MID1: variants seen among roughly 807,000 people sequenced by gnomAD.
MID1 encodes the protein E3 ubiquitin-protein ligase Midline-1.
MID1 carries 7 observed loss-of-function variants against 40.4 expected under a neutral mutation model. The observed-to-expected ratio is 0.17, with a 90% CI of 0.10 to 0.33. The LOEUF (loss-of-function observed/expected upper bound fraction) is 0.33, where lower values mean the gene tolerates loss of function less well. Ranked by LOEUF, MID1 falls within the 10% of genes least tolerant of loss-of-function variation. The pLI, the probability that MID1 is intolerant of heterozygous loss-of-function variation, is 1.00. For missense variants in MID1, 367 were observed against 558.5 expected, an observed-to-expected ratio of 0.66 and a Z score of 3.46; for synonymous variants, 229 against 221.2, an observed-to-expected ratio of 1.04 and a Z score of -0.31.
chrX:10,705,781 C>T (rs973817113), intron 1 of MID1, among the ~76,000 whole-genome samples: 2 of 112,004 alleles, frequency 1.8e-5, no homozygotes, highest in Non-Finnish European at 3.8e-5. Context: ...GGTTTTAACT[C>T]CAAATCCTGC....
chrX:10,454,750 A>T (rs1338304486), intron 9 of MID1, 120 bp downstream of exon 9: 2 of 611,946 alleles, frequency 3.3e-6, no homozygotes, highest in Non-Finnish European at 5.5e-6. Flanking sequence ...GCAAGAGCTG[A>T]CTAATACAAC....
intron 3 of MID1, among the ~76,000 whole-genome samples, chrX:10,513,949 G>A (rs2147351717): frequency 8.9e-6 from 1 of 112,376 alleles, no homozygotes. Context: ...TACTGTAATG[G>A]AGACAGGATA....
intron 1 of MID1, among the ~76,000 whole-genome samples, chrX:10,765,995 GAAAGAA>G (rs1456428274): frequency 4.9e-5 from 5 of 102,712 alleles, no homozygotes; most frequent in East Asian, 3.1e-4. Context: ...AAGAAAGAAA[GAAAGAA>G]AGAAAGAACC....
chrX:10,602,118 C>T (rs1331930929), intron 1 of MID1, among the ~76,000 whole-genome samples: 2 of 106,236 alleles, frequency 1.9e-5, no homozygotes, highest in Admixed American at 1.0e-4. Context: ...AGGATGGTCT[C>T]GATCTCCTAA....
chrX:10,769,257 T>G (rs1002567344), intron 1 of MID1, among the ~76,000 whole-genome samples: 1 of 110,232 alleles, frequency 9.1e-6, no homozygotes, highest in Admixed American at 9.8e-5. Context: ...ACCCTCTTTA[T>G]CCTACCGCCT....
intron 1 of MID1, among the ~76,000 whole-genome samples, chrX:10,701,111 C>T (rs1236488244): frequency 9.0e-6 from 1 of 111,649 alleles, no homozygotes; most frequent in Non-Finnish European, 1.9e-5. Flanking sequence ...AATACTCACT[C>T]TAAAGCAGCC....
At chrX:10,541,182 G>C (rs749536170) in intron 2 of MID1, among the ~76,000 whole-genome samples, 1 of 112,153 alleles carries the variant, frequency 8.9e-6, no homozygotes, top group Non-Finnish European at 1.9e-5. Context: ...TCCCATACAT[G>C]AGCCGAAAAG....
chrX:10,657,445 A>G (rs1241293417), intron 1 of MID1, among the ~76,000 whole-genome samples: 1 of 111,865 alleles, frequency 8.9e-6, no homozygotes, highest in Non-Finnish European at 1.9e-5. Flanking sequence ...GCACAATAAT[A>G]TGATGATGAT....
intron 1 of MID1, among the ~76,000 whole-genome samples, chrX:10,617,436 G>C (rs775074927): frequency 1.8e-5 from 2 of 112,190 alleles, no homozygotes; most frequent in East Asian, 5.6e-4. Flanking sequence ...ACAGATTCAC[G>C]GCTTCCTTGA....
chrX:10,555,441 A>G (rs1334697276), intron 2 of MID1, among the ~76,000 whole-genome samples: 2 of 111,442 alleles, frequency 1.8e-5, no homozygotes, highest in Non-Finnish European at 1.9e-5. Context: ...TATCTCATTG[A>G]TTGAGCTCCA....
Position 10,448,879 on chromosome X carries a change from G to T in MID1, c.*489C>A, listed in dbSNP as rs1928155840. 1 of 115,401 alleles carries T rather than the reference G, an allele frequency of 8.7e-6. No individual in the cohort carries two copies. The highest frequency in any genetic ancestry group is 1.8e-5 in the Non-Finnish European group (1 of 55,167). 9.5% of individuals were successfully genotyped at this position (115,401 alleles called of 1,213,427 possible). A position where few individuals can be genotyped will look rare whatever the true frequency, so the allele number is the denominator to read the frequency against. Reference sequence around the variant, plus strand: ...AAATTAAACCAGAGTAAGAAAGCCTGTTTCCTCCCCTACTAGGTTCAAACA... The same window carrying T: ...AAATTAAACCAGAGTAAGAAAGCCTTTTTCCTCCCCTACTAGGTTCAAACA... On this transcript the variant is annotated 3_prime_UTR_variant, in exon 10 of 10. Coordinates refer to ENST00000317552, the MANE Select transcript of MID1 (RefSeq NM_000381.4).
chrX:10,782,660 T>G (rs2043855209), intron 1 of MID1, among the ~76,000 whole-genome samples: 1 of 112,065 alleles, frequency 8.9e-6, no homozygotes, highest in Non-Finnish European at 1.9e-5. Context: ...ATTATATTAT[T>G]GAGATGTAAT....
rs781525964 is a variant in MID1 at position 10,657,135 on chromosome X, G to A, written c.-186-36716C>T. 5.4e-5 allele frequency among the ~76,000 whole-genome samples: 6 copies of A among 111,140 alleles called. No individual in the cohort carries two copies. The East Asian group carries it at 1.4e-3, about 26-fold the overall frequency. On this transcript the variant is annotated intron_variant, in intron 1 of 10. Transcript: ENST00000380785. ...CCAGAATTGGTGTATTAATACCCCC[G>A]CTCCCTTGTCCCTCAGATAGGATAT...
chrX:10,564,941 C>T (rs1934469045), intron 2 of MID1, among the ~76,000 whole-genome samples: 1 of 103,538 alleles, frequency 9.7e-6, no homozygotes, highest in Admixed American at 1.1e-4. Context: ...AAAAATCAAA[C>T]ATCTCTGTTC....
chrX:10,730,083 C>CAA (rs1293732350), intron 1 of MID1, among the ~76,000 whole-genome samples: 2,378 of 69,157 alleles, frequency 0.034, 82 homozygotes, highest in African/African-American at 0.11. Flanking sequence ...GACTCCATCT[C>CAA]AAAAAAAAAA....
intron 3 of MID1, among the ~76,000 whole-genome samples, chrX:10,521,385 C>T (rs1932701540): frequency 1.8e-5 from 2 of 111,027 alleles, no homozygotes; most frequent in Non-Finnish European, 3.8e-5. Context: ...GACTCTGGTC[C>T]AGGGAACCAG....
chrX:10,641,505 T>C (rs759377636), intron 1 of MID1, among the ~76,000 whole-genome samples: 2 of 111,105 alleles, frequency 1.8e-5, no homozygotes, highest in South Asian at 7.6e-4. Context: ...CAATGACAGG[T>C]TCTGAAATTG....
At chrX:10,646,846 T>C (rs1383740010) in intron 1 of MID1, among the ~76,000 whole-genome samples, 3 of 112,068 alleles carry the variant, frequency 2.7e-5, no homozygotes, top group African/African-American at 9.7e-5. Context: ...ATTTACCTAA[T>C]TTATTTTTTG....
intron 1 of MID1, among the ~76,000 whole-genome samples, chrX:10,632,786 A>C (rs1476579773): frequency 9.1e-6 from 1 of 109,861 alleles, no homozygotes; most frequent in Non-Finnish European, 1.9e-5. Flanking sequence ...TCCATGAGTT[A>C]AGAATTTTTT....
Sources: allele counts gnomAD v4.1 joint callset (sites outside exome capture counted in the v4.1 genomes callset), GRCh38; gene constraint gnomAD v4.1.1; transcripts MANE v1.5; gene names NCBI Gene and HGNC (gene_info 2026-07-23, HGNC 2026-07-21).